Variants in EFR3B observed in about 807,000 individuals in gnomAD.
The protein encoded by EFR3B is EFR3 homolog B.
Under a neutral mutation model 104.7 loss-of-function variants are expected in EFR3B, and 64 were observed. That is an observed-to-expected ratio of 0.61 (90% CI 0.50 to 0.75). The LOEUF (loss-of-function observed/expected upper bound fraction) is 0.75. Ranked by LOEUF, EFR3B falls within the 30% of genes least tolerant of loss-of-function variation. The probability of loss-of-function intolerance (pLI) is 0.00; values close to 1 mark genes in which losing one functional copy is unlikely to be tolerated. For synonymous variants in EFR3B, 385 were observed against 417.9 expected, an observed-to-expected ratio of 0.92 and a Z score of 0.96; for missense variants, 750 against 1,078.5, an observed-to-expected ratio of 0.70 and a Z score of 4.27.
rs188329853 is a variant in EFR3B, at chr2:25,060,065, C to T, written c.7+17746C>T. Among the ~76,000 whole-genome samples, 133 of 149,702 alleles carry T rather than the reference C, an allele frequency of 8.9e-4. 1 individual carries two copies. Among genetic ancestry groups the T allele is most frequent in the African/African-American group, 3.1e-3 (126 of 40,636 alleles). Reference sequence around the variant, plus strand: ...TACAAAAATTAGCCAGGTGTGGTGGCGCGGCCTGTAGTCCCAGCTACTTGG... The same window carrying T: ...TACAAAAATTAGCCAGGTGTGGTGGTGCGGCCTGTAGTCCCAGCTACTTGG... On this transcript the variant is annotated intron_variant, in intron 1 of 22. Coordinates refer to ENST00000403714, the MANE Select transcript of EFR3B (RefSeq NM_014971.2).
At chr2:25,145,527 T>C (rs1670790612) in intron 19 of EFR3B, 1 of 173,148 alleles carries the variant, frequency 5.8e-6, no homozygotes, top group Admixed American at 6.0e-5. Context: ...TAAGCCATGA[T>C]GGCAGCACGG....
At chr2:25,108,304 T>A (rs941655660) in intron 4 of EFR3B, among the ~76,000 whole-genome samples, 5 of 152,148 alleles carry the variant, frequency 3.3e-5, no homozygotes, top group African/African-American at 9.7e-5. Flanking sequence ...TCCAGATGCA[T>A]GTCTTGGGTC....
Position 25,129,973 on chromosome 2 carries a change from AGCCG to A in EFR3B, c.636_639del (p.Arg213LeufsTer127). 6.4e-7 allele frequency: 1 copy of A among 1,551,378 alleles called. No homozygotes were observed. The highest frequency in any genetic ancestry group is 8.7e-7 in the Non-Finnish European group (1 of 1,146,978). ...TCTACCCATGTGCCTCTGTCTCCCCAGCCGGTCTCCCTCACCCCTCCAAGCACCT... is the reference window on the plus strand; with the variant it reads ...TCTACCCATGTGCCTCTGTCTCCCCAGTCTCCCTCACCCCTCCAAGCACCT... On this transcript the variant is annotated splice_acceptor_variant and coding_sequence_variant, in exon 7 of 23. Transcript: ENST00000403714. LOFTEE classifies it high-confidence loss of function.
intron 1 of EFR3B, among the ~76,000 whole-genome samples, chr2:25,057,674 T>C (rs1340668191): frequency 2.0e-5 from 3 of 151,220 alleles, no homozygotes; most frequent in Admixed American, 1.3e-4. Flanking sequence ...CCCAGCTACT[T>C]GGGAGGCTGA....
chr2:25,094,296 A>AAAAG (rs1256102688), intron 3 of EFR3B, among the ~76,000 whole-genome samples: 3 of 150,996 alleles, frequency 2.0e-5, no homozygotes, highest in East Asian at 1.9e-4. Context: ...AAAAAAAAAA[A>AAAAG]AAAAAGAAAA....
chr2:25,076,617 G>A (rs972206885), intron 1 of EFR3B, among the ~76,000 whole-genome samples: 3 of 152,094 alleles, frequency 2.0e-5, no homozygotes, highest in Non-Finnish European at 4.4e-5. Flanking sequence ...TAGTGGTCCC[G>A]AGAGACAGAG....
rs553692891 is a variant in EFR3B at position 25,052,160 on chromosome 2, G to A, written c.7+9841G>A. Among the ~76,000 whole-genome samples, 3 of 151,846 alleles carry A rather than the reference G, an allele frequency of 2.0e-5. No individual in the cohort carries two copies. The South Asian group carries it at 6.2e-4, about 32-fold the overall frequency. Reference sequence around the variant, plus strand: ...GCAGTGAGCCAAGATCACACCATTGGGCTCCAGCCTGGGCAACAAGAGTGA... The same window carrying A: ...GCAGTGAGCCAAGATCACACCATTGAGCTCCAGCCTGGGCAACAAGAGTGA... On this transcript the variant is annotated intron_variant, in intron 1 of 22. Transcript: ENST00000403714.
rs2304572 is a variant in EFR3B, at chr2:25,130,410, C to T, written c.771-142C>T. 55,292 of 827,038 alleles carry T rather than the reference C, an allele frequency of 0.067. 2,287 individuals are homozygous for T. The highest frequency in any genetic ancestry group is 0.085 in the Non-Finnish European group (42,763 of 500,244). 51.2% of individuals were successfully genotyped at this position (827,038 alleles called of 1,614,324 possible). On this transcript the variant is annotated intron_variant, in intron 7 of 22. Transcript: ENST00000403714. The surrounding 1 kb of genome is among the most constrained non-coding windows in gnomAD (Gnocchi z 4.6). ...CTCCAGCACTGGACTGGGACTACCC[C>T]AAGGCCCTTCAGGCTTCACTTCCTC...
At chr2:25,075,799 G>A (rs906200353) in intron 1 of EFR3B, among the ~76,000 whole-genome samples, 14 of 152,296 alleles carry the variant, frequency 9.2e-5, no homozygotes, top group Middle Eastern at 6.8e-3. Flanking sequence ...ATGAAAGAAT[G>A]CATAATGCCT....
intron 1 of EFR3B, among the ~76,000 whole-genome samples, chr2:25,054,166 C>T (rs556990680): frequency 1.3e-5 from 2 of 152,176 alleles, no homozygotes; most frequent in Admixed American, 6.5e-5. Context: ...GTTCATCTTT[C>T]CCTGAGCTCA....
At chr2:25,083,117 G>A (rs1010864176) in intron 1 of EFR3B, among the ~76,000 whole-genome samples, 1 of 152,178 alleles carries the variant, frequency 6.6e-6, no homozygotes, top group African/African-American at 2.4e-5. Context: ...CTACATACTA[G>A]GGAATTGGCC....
chr2:25,107,612 T>A (rs1669601718), intron 4 of EFR3B, among the ~76,000 whole-genome samples: 1 of 152,086 alleles, frequency 6.6e-6, no homozygotes, highest in Non-Finnish European at 1.5e-5. Context: ...CCTCCTTTCC[T>A]TCTTTTATTC....
chr2:25,057,137 G>A (rs1468332071), intron 1 of EFR3B, among the ~76,000 whole-genome samples: 2 of 152,162 alleles, frequency 1.3e-5, no homozygotes, highest in Non-Finnish European at 2.9e-5. Context: ...CTGGCTATGT[G>A]TAAATTTCCT....
chr2:25,067,571 A>G (rs1216753270), intron 1 of EFR3B, among the ~76,000 whole-genome samples: 1 of 151,924 alleles, frequency 6.6e-6, no homozygotes, highest in Non-Finnish European at 1.5e-5. Context: ...AGTAGCTGGG[A>G]CTACAGGCGC....
intron 1 of EFR3B, among the ~76,000 whole-genome samples, chr2:25,058,808 G>A (rs1397879750): frequency 2.7e-5 from 4 of 149,500 alleles, no homozygotes; most frequent in African/African-American, 7.5e-5. Context: ...TGTTGGTGAG[G>A]TTGTGGAGAA....
At chr2:25,117,267 T>C (rs1336274867) in intron 4 of EFR3B, among the ~76,000 whole-genome samples, 1 of 152,070 alleles carries the variant, frequency 6.6e-6, no homozygotes, top group African/African-American at 2.4e-5. Flanking sequence ...TTCCCCAGCC[T>C]CTTCCAGGAC....
chr2:25,042,178 C>T lies in EFR3B; in HGVS notation c.-135C>T, dbSNP rs1192115356. On this transcript the variant is annotated 5_prime_UTR_variant, in exon 1 of 23. Transcript: ENST00000403714. This position sits in a 1 kb window ranked among gnomAD's most constrained non-coding sequence, Gnocchi z 5.4. ...TGCCCGCGGCCGGCCCCCGCGTCTG[C>T]TCCCTCCCCGCCCGGGCCCCTGTCG... 4 of 921,790 alleles carry T rather than the reference C, an allele frequency of 4.3e-6. No individual in the cohort carries two copies. Among genetic ancestry groups the T allele is most frequent in the Non-Finnish European group, 5.6e-6 (4 of 713,828 alleles). The allele number at this position is 921,790 out of a possible 1,614,324, so 57.1% of individuals were successfully genotyped here. A position where few individuals can be genotyped will look rare whatever the true frequency, so the allele number is the denominator to read the frequency against.
rs1670320684 is a variant in EFR3B at position 25,131,252 on chromosome 2, CG to C, written c.850-112del. 2 of 1,389,144 alleles carry C rather than the reference CG, an allele frequency of 1.4e-6. No homozygotes were observed. Among genetic ancestry groups the C allele is most frequent in the Non-Finnish European group, 9.6e-7 (1 of 1,038,210 alleles). 86.1% of individuals were successfully genotyped at this position (1,389,144 alleles called of 1,614,324 possible). ...AGGTGTCAGTGCCAACTGCAGTGCC[CG>C]GGGCCTTGGAACGTCCCTTTAGTTT... On this transcript the variant is annotated intron_variant, in intron 8 of 22. Transcript: ENST00000403714. This position sits in a 1 kb window ranked among gnomAD's most constrained non-coding sequence, Gnocchi z 7.6.
Position 25,136,656 on chromosome 2 carries a change from A to C in EFR3B, c.1560+58A>C. On this transcript the variant is annotated intron_variant, in intron 14 of 22. Coordinates refer to ENST00000403714, the MANE Select transcript of EFR3B (RefSeq NM_014971.2). The surrounding 1 kb of genome is among the most constrained non-coding windows in gnomAD (Gnocchi z 4.0). ...GGCGGGCACGGTGGCTCACGCCTGC[A>C]ATCCCAGCACTTTGGGAGGCTGAGG... The C allele has an allele frequency of 2.1e-6, 3 of 1,452,774 alleles. No homozygotes were observed. The highest frequency in any genetic ancestry group is 2.8e-6 in the Non-Finnish European group (3 of 1,060,334). 90.0% of individuals were successfully genotyped at this position (1,452,774 alleles called of 1,614,324 possible). A position where few individuals can be genotyped will look rare whatever the true frequency, so the allele number is the denominator to read the frequency against.
Sources: allele counts gnomAD v4.1 joint callset (sites outside exome capture counted in the v4.1 genomes callset), GRCh38; gene constraint gnomAD v4.1.1; non-coding constraint Gnocchi (gnomAD v3.1); transcripts MANE v1.5; gene names NCBI Gene and HGNC (gene_info 2026-07-23, HGNC 2026-07-21).